The following EPB41L5 variants were observed in gnomAD, a reference collection of about 807,000 sequenced individuals.
The protein encoded by EPB41L5 is erythrocyte membrane protein band 4.1 like 5, also known as band 4.1-like protein 5.
Under a neutral mutation model 106.6 loss-of-function variants are expected in EPB41L5, and 55 were observed. The observed-to-expected ratio is 0.52, with a 90% confidence interval of 0.42 to 0.65. EPB41L5 has a LOEUF of 0.65. EPB41L5 is among the 30% of genes least tolerant of loss of function. The probability of loss-of-function intolerance (pLI) is 0.00; values close to 1 mark genes in which losing one functional copy is unlikely to be tolerated. For missense variants in EPB41L5, 871 were observed against 882.1 expected, an observed-to-expected ratio of 0.99 and a Z score of 0.16; for synonymous variants, 297 against 306.7, an observed-to-expected ratio of 0.97 and a Z score of 0.33.
At chr2:120,056,703 G>T (rs1283066148) in intron 3 of EPB41L5, among the ~76,000 whole-genome samples, 4 of 148,672 alleles carry the variant, frequency 2.7e-5, no homozygotes, top group Admixed American at 2.7e-4. Context: ...TGGGTGTAAT[G>T]CTGGTCTTGT....
At chr2:120,112,687 A>G (rs2105430454) in intron 16 of EPB41L5, among the ~76,000 whole-genome samples, 1 of 152,342 alleles carries the variant, frequency 6.6e-6, no homozygotes, top group African/African-American at 2.4e-5. Flanking sequence ...TGCAAGGTGT[A>G]GTCCAGGAAT....
chr2:120,157,665 A>T lies in EPB41L5; in HGVS notation c.1794-3216A>T, dbSNP rs1004775090. Among the ~76,000 whole-genome samples the T allele has an allele frequency of 4.6e-5, 7 of 151,948 alleles. 1 individual carries two copies. In the South Asian group the frequency reaches 8.3e-4, roughly 18 times the overall value. On this transcript the variant is annotated intron_variant, in intron 20 of 24. Coordinates refer to ENST00000263713, the MANE Select transcript of EPB41L5 (RefSeq NM_020909.4). ...ATGCCTGTTATCCCAGGTACTTCAG[A>T]CGCTGAGGCACAAGAATAGATTGAA...
intron 19 of EPB41L5, among the ~76,000 whole-genome samples, chr2:120,145,562 G>T (rs780073936): frequency 6.6e-6 from 1 of 152,118 alleles, no homozygotes; most frequent in Non-Finnish European, 1.5e-5. Flanking sequence ...GGCGGGGAGT[G>T]GGGGAGATAG....
chr2:120,101,426 G>T (rs2105399546), intron 16 of EPB41L5, among the ~76,000 whole-genome samples: 1 of 152,284 alleles, frequency 6.6e-6, no homozygotes, highest in Middle Eastern at 3.4e-3. Flanking sequence ...AATCACTTGA[G>T]TTTATCCTTT....
intron 20 of EPB41L5, among the ~76,000 whole-genome samples, chr2:120,148,793 A>G (rs1374477394): frequency 1.3e-5 from 2 of 152,160 alleles, no homozygotes; most frequent in African/African-American, 2.4e-5. Flanking sequence ...CTCTTTAGCT[A>G]TTGTGAACAA....
intron 3 of EPB41L5, among the ~76,000 whole-genome samples, chr2:120,043,599 G>A (rs1274310700): frequency 5.3e-5 from 8 of 151,742 alleles, no homozygotes; most frequent in Non-Finnish European, 7.4e-5. Context: ...TTAGCTGGGC[G>A]TGGCGGTGCA....
intron 3 of EPB41L5, among the ~76,000 whole-genome samples, chr2:120,062,426 T>A (rs1047565893): frequency 5.3e-5 from 8 of 152,228 alleles, no homozygotes; most frequent in Non-Finnish European, 1.5e-5. Context: ...TTATGGCTAA[T>A]AATATTCTGA....
In EPB41L5 at chr2:120,019,697, A is replaced by G. The variant is rs370296695; in HGVS notation, c.180+433A>G. 7.2e-5 allele frequency among the ~76,000 whole-genome samples: 11 copies of G among 151,942 alleles called. No individual in the cohort carries two copies. In the South Asian group the frequency reaches 2.3e-3, roughly 32 times the overall value. The stretch of plus-strand genomic sequence containing the variant: ...TCTATGCACTTCTGTATTTTTTAAA[A>G]CTCTCCTTACTTTCTTCTAAATAAA... On this transcript the variant is annotated intron_variant, in intron 2 of 24. Transcript: ENST00000263713.
chr2:120,107,380 T>C (rs148162194), intron 16 of EPB41L5, among the ~76,000 whole-genome samples: 5 of 152,336 alleles, frequency 3.3e-5, no homozygotes, highest in African/African-American at 1.2e-4. Flanking sequence ...ATGGATTTGC[T>C]AAAACAAAAT....
chr2:120,142,911 T>A, intron 18 of EPB41L5, 92 bp from the exon 19 acceptor site: 2 of 1,121,284 alleles, frequency 1.8e-6, no homozygotes, highest in Non-Finnish European at 1.3e-6. Context: ...ATTTCCTGAT[T>A]GTCTGCAGAT....
At chr2:120,043,554 A>G (rs1679561064) in intron 3 of EPB41L5, among the ~76,000 whole-genome samples, 2 of 144,108 alleles carry the variant, frequency 1.4e-5, no homozygotes, top group African/African-American at 5.0e-5. Context: ...CTCAAAAAAA[A>G]CAAAAAGATG....
At chr2:120,152,168 A>G (rs541390240) in intron 20 of EPB41L5, among the ~76,000 whole-genome samples, 1 of 152,282 alleles carries the variant, frequency 6.6e-6, no homozygotes, top group South Asian at 2.1e-4. Flanking sequence ...TTTTTCATAT[A>G]TGCCCTTTAC....
chr2:120,169,102 G>A (rs547359333), intron 24 of EPB41L5, among the ~76,000 whole-genome samples: 1 of 152,056 alleles, frequency 6.6e-6, no homozygotes, highest in African/African-American at 2.4e-5. Flanking sequence ...TAGAACTCAT[G>A]GAAAGGAGTA....
At chr2:120,086,830 C>T (rs1309215936) in intron 10 of EPB41L5, among the ~76,000 whole-genome samples, 1 of 152,136 alleles carries the variant, frequency 6.6e-6, no homozygotes, top group African/African-American at 2.4e-5. Flanking sequence ...TGTCTAGTTC[C>T]TATGCTGCTG....
chr2:120,040,911 G>A (rs1679364139), intron 2 of EPB41L5, among the ~76,000 whole-genome samples: 2 of 151,998 alleles, frequency 1.3e-5, no homozygotes, highest in South Asian at 2.1e-4. Context: ...TTTTTAATAG[G>A]AAAATACTAT....
chr2:120,089,538 C>T (rs1419393640), intron 11 of EPB41L5, among the ~76,000 whole-genome samples: 2 of 152,050 alleles, frequency 1.3e-5, no homozygotes, highest in Non-Finnish European at 2.9e-5. Context: ...TATGAATAAA[C>T]AATAGCACAT....
chr2:120,037,613 T>G (rs1679125708), intron 2 of EPB41L5, among the ~76,000 whole-genome samples: 1 of 151,222 alleles, frequency 6.6e-6, no homozygotes, highest in African/African-American at 2.4e-5. Context: ...GACCAGGAGT[T>G]CAAGACCAGG....
intron 14 of EPB41L5, among the ~76,000 whole-genome samples, chr2:120,094,873 T>C (rs2105377416): frequency 6.6e-6 from 1 of 152,290 alleles, no homozygotes; most frequent in Middle Eastern, 3.4e-3. Context: ...ATTTTATTTT[T>C]TTCTAATTTT....
At chr2:120,059,248 C>T (rs1680865387) in intron 3 of EPB41L5, among the ~76,000 whole-genome samples, 1 of 152,050 alleles carries the variant, frequency 6.6e-6, no homozygotes, top group South Asian at 2.1e-4. Context: ...AACAAACAAA[C>T]TAAAAAAAGT....
Sources: allele counts gnomAD v4.1 joint callset (sites outside exome capture counted in the v4.1 genomes callset), GRCh38; gene constraint gnomAD v4.1.1; transcripts MANE v1.5; gene names NCBI Gene and HGNC (gene_info 2026-07-23, HGNC 2026-07-21).